RBM12B: variants seen among roughly 807,000 people sequenced by gnomAD.
The protein encoded by RBM12B is RNA-binding protein 12B.
A neutral mutation model predicts 34.3 loss-of-function variants in RBM12B; 10 were observed. The observed-to-expected ratio is 0.29, with a 90% CI of 0.18 to 0.49. The LOEUF (loss-of-function observed/expected upper bound fraction) is 0.49. Ranked by LOEUF, RBM12B falls within the 20% of genes least tolerant of loss-of-function variation. RBM12B has a pLI of 0.99. For synonymous variants in RBM12B, 477 were observed against 437.1 expected (o/e 1.09, Z -1.14); for missense variants, 1,139 against 1,262.7 (o/e 0.90, Z 1.48).
rs776443945 is a variant in RBM12B at position 93,733,971 on chromosome 8, G to A, written c.2440C>T (p.Pro814Ser). 10 of 1,613,064 alleles carry A rather than the reference G, an allele frequency of 6.2e-6. No homozygotes were observed. The African/African-American group carries it at 1.1e-4, about 17-fold the overall frequency. The part of the protein sequence containing the change: ...RHPPDEDFRG[P>S]PDEDFRHPPD... ...GGGTGCCTAAAGTCTTCATCAGGAG[G>A]GCCCCTGAAGTCTTCATCTGGTGGG... is the stretch of plus-strand genomic sequence containing the variant. Residue 814 changes from proline to serine, a missense_variant, in exon 4 of 4, where the codon CCT (proline) becomes TCT (serine). Pro to Ser is a moderately conservative substitution (Grantham distance 74). This residue lies in a region of RBM12B where 863 missense variants were observed against 869.5 expected (regional missense o/e 0.99). Coordinates refer to ENST00000520560, the MANE Select transcript of RBM12B (RefSeq NM_001377960.1).
intron 2 of RBM12B, among the ~76,000 whole-genome samples, chr8:93,739,904 G>C (rs1812140522): frequency 6.6e-6 from 1 of 152,110 alleles, no homozygotes; most frequent in African/African-American, 2.4e-5. Context: ...TTCTAATCAA[G>C]ACTTAAGGGG....
In RBM12B at chr8:93,728,186, G is replaced by C. The variant is rs761479386; in HGVS notation, c.*5219C>G. On this transcript the variant is annotated 3_prime_UTR_variant, in exon 4 of 4. Transcript: ENST00000520560. ...TAAGTTAGTATTTTTATTTTAAAAA[G>C]TGTGTTAACTTTTAACAGGTATCCA... 6 of 1,461,134 alleles carry C rather than the reference G, an allele frequency of 4.1e-6. No homozygotes were observed. Among genetic ancestry groups the C allele is most frequent in the Non-Finnish European group, 5.5e-6 (6 of 1,096,684 alleles). The allele number at this position is 1,461,134 out of a possible 1,614,324, so 90.5% of individuals were successfully genotyped here.
At chr8:93,737,428 A>C (rs534043303) in intron 2 of RBM12B, 73 bp from the exon 3 acceptor site, 1 of 152,334 alleles carries the variant, frequency 6.6e-6, no homozygotes, top group East Asian at 1.9e-4. Flanking sequence ...AGAGTAGGAT[A>C]TCCATTTCAG....
At position 93,733,424 on chromosome 8, in the gene RBM12B, A is replaced by G; in HGVS notation, c.2987T>C (p.Val996Ala). ...LNDRPVGPRK[V>A]KLTLL ...CTCTCTCTACAGCAAAGTTAACTTA[A>G]CTTTTCGGGGCCCAACTGGCCTATC... Residue 996 changes from valine to alanine, a missense_variant, in exon 4 of 4, where the codon GTT becomes GCT. Physicochemically the swap from Val to Ala is moderately conservative, Grantham distance 64. Transcript: ENST00000520560. 1 of 1,540,872 alleles carries G rather than the reference A, an allele frequency of 6.5e-7. No individual in the cohort carries two copies. The highest frequency in any genetic ancestry group is 8.7e-7 in the Non-Finnish European group (1 of 1,145,628).
At position 93,733,276 on chromosome 8, in the gene RBM12B, G is replaced by A. The variant is rs1811853914; in HGVS notation, c.*129C>T. The A allele has an allele frequency of 1.6e-6, 1 of 615,342 alleles. No individual in the cohort carries two copies. Among genetic ancestry groups the A allele is most frequent in the Non-Finnish European group, 2.5e-6 (1 of 407,862 alleles). 38.1% of individuals were successfully genotyped at this position (615,342 alleles called of 1,614,324 possible). A position where few individuals can be genotyped will look rare whatever the true frequency, so the allele number is the denominator to read the frequency against. ...GATTCACATTCTACTATTTACATTT[G>A]TTCTATTCACAGGTCAAAAATAAAA... On this transcript the variant is annotated 3_prime_UTR_variant, in exon 4 of 4. Coordinates refer to ENST00000520560, the MANE Select transcript of RBM12B (RefSeq NM_001377960.1).
chr8:93,739,770 G>C (rs1473932433), intron 2 of RBM12B, among the ~76,000 whole-genome samples: 1 of 152,192 alleles, frequency 6.6e-6, no homozygotes, highest in Non-Finnish European at 1.5e-5. Context: ...GAAAAGAAGA[G>C]TGGGTCCCTA....
Position 93,734,902 on chromosome 8 carries a change from C to G in RBM12B, c.1509G>C (p.Glu503Asp). Residue 503 changes from glutamate to aspartate, a missense_variant, in exon 4 of 4, where the codon GAG becomes GAC. Physicochemically the swap from Glu to Asp is conservative, Grantham distance 45 (BLOSUM62 2). Around this residue, in one of 3 missense-constraint regions of RBM12B, gnomAD observed 863 missense variants for 869.5 expected, o/e 0.99. Coordinates refer to ENST00000520560, the MANE Select transcript of RBM12B (RefSeq NM_001377960.1). ...CAAATAAATGGGAATGGTCACCTCG[C>G]TCACGTGACTGTGAGCGAGCTTGCA... is the stretch of plus-strand genomic sequence containing the variant. ...EKMQARSQSR[E>D]RGDHSHLFDS... 1 of 1,614,082 alleles carries G rather than the reference C, an allele frequency of 6.2e-7. No individual in the cohort carries two copies. The highest frequency in any genetic ancestry group is 8.5e-7 in the Non-Finnish European group (1 of 1,179,976).
Position 93,740,861 on chromosome 8 carries a change from A to C in RBM12B, c.-146+20T>G. ...GGCGCCCCGAGGGGAACTGCTTCGCACTTGGCAATAAACACACACCACTGC... is the reference window on the plus strand; with the variant it reads ...GGCGCCCCGAGGGGAACTGCTTCGCCCTTGGCAATAAACACACACCACTGC... On this transcript the variant is annotated intron_variant, in intron 1 of 3. Coordinates refer to ENST00000520560, the MANE Select transcript of RBM12B (RefSeq NM_001377960.1). 1 of 326,180 alleles carries C rather than the reference A, an allele frequency of 3.1e-6. No homozygotes were observed. The highest frequency in any genetic ancestry group is 4.5e-5 in the Admixed American group (1 of 22,060). 20.2% of individuals were successfully genotyped at this position (326,180 alleles called of 1,614,324 possible).
Position 93,734,142 on chromosome 8 carries a change from G to A in RBM12B, c.2269C>T (p.Arg757Trp), listed in dbSNP as rs774939808. Residue 757 changes from arginine (R) to tryptophan (W), a missense_variant, in exon 4 of 4, where the codon CGG (arginine) becomes TGG (tryptophan). This residue lies in a region of RBM12B where 863 missense variants were observed against 869.5 expected (regional missense o/e 0.99). Coordinates refer to ENST00000520560, the MANE Select transcript of RBM12B (RefSeq NM_001377960.1). ...FRRPPPEHFRRPPPEHFRRPP... is the reference protein window; with the variant it reads ...FRRPPPEHFRWPPPEHFRRPP... ...CGCCTGAAGTGCTCTGGGGGTGGCC[G>A]CCGGAAGTGCTCTGGGGGAGGCCGC... 14 of 1,560,356 alleles carry A rather than the reference G, an allele frequency of 9.0e-6. No homozygotes were observed. Among genetic ancestry groups the A allele is most frequent in the South Asian group, 2.4e-5 (2 of 82,740 alleles).
In RBM12B at chr8:93,732,411, T is replaced by G. The variant is rs958652098; in HGVS notation, c.*994A>C. On this transcript the variant is annotated 3_prime_UTR_variant, in exon 4 of 4. Coordinates refer to ENST00000520560, the MANE Select transcript of RBM12B (RefSeq NM_001377960.1). ...ACAAGTCTTAACAGTTATAGAGTCT[T>G]TGCATGGACACAGTTTCGAAGCTAA... 2.0e-5 allele frequency: 3 copies of G among 152,226 alleles called. No homozygotes were observed. The highest frequency in any genetic ancestry group is 7.2e-5 in the African/African-American group (3 of 41,466). 9.4% of individuals were successfully genotyped at this position (152,226 alleles called of 1,614,324 possible).
rs911424699 is a variant in RBM12B, at chr8:93,731,250, T to C, written c.*2155A>G. On this transcript the variant is annotated 3_prime_UTR_variant, in exon 4 of 4. Coordinates refer to ENST00000520560, the MANE Select transcript of RBM12B (RefSeq NM_001377960.1). Reference sequence around the variant, plus strand: ...CACCTCAGCCCAGTTTGAAATGCAATTCCACAGTAAGTAATCCCTCACGTT... The same window carrying C: ...CACCTCAGCCCAGTTTGAAATGCAACTCCACAGTAAGTAATCCCTCACGTT... The C allele has an allele frequency of 2.0e-5, 3 of 152,244 alleles. No individual in the cohort carries two copies. Among genetic ancestry groups the C allele is most frequent in the Admixed American group, 6.5e-5 (1 of 15,278 alleles). The allele number at this position is 152,244 out of a possible 1,614,324, so 9.4% of individuals were successfully genotyped here. A position where few individuals can be genotyped will look rare whatever the true frequency, so the allele number is the denominator to read the frequency against.
intron 2 of RBM12B, chr8:93,739,992 G>A (rs1489896868): frequency 6.8e-6 from 2 of 295,756 alleles, no homozygotes; most frequent in Non-Finnish European, 6.6e-6. Context: ...TTTAACTAGC[G>A]AAGAAAAAGT....
At position 93,734,526 on chromosome 8, in the gene RBM12B, G is replaced by A. The variant is rs559228137; in HGVS notation, c.1885C>T (p.Arg629Trp). The A allele has an allele frequency of 5.5e-5, 88 of 1,613,256 alleles. 1 individual carries two copies. The highest frequency in any genetic ancestry group is 1.5e-4 in the African/African-American group (11 of 74,692). Residue 629 changes from arginine (R) to tryptophan (W), a missense_variant, in exon 4 of 4, where the codon CGG becomes TGG. Around this residue, in one of 3 missense-constraint regions of RBM12B, gnomAD observed 863 missense variants for 869.5 expected, o/e 0.99. Coordinates refer to ENST00000520560, the MANE Select transcript of RBM12B (RefSeq NM_001377960.1). Reference protein sequence around the residue: ...WRRPLEEDWRRPLEEDFRRSP... With the variant: ...WRRPLEEDWRWPLEEDFRRSP... ...CGCCTGAAATCCTCCTCCAGTGGCCGCCTCCAGTCCTCCTCAAGGGGCCTC... is the reference window on the plus strand; with the variant it reads ...CGCCTGAAATCCTCCTCCAGTGGCCACCTCCAGTCCTCCTCAAGGGGCCTC...
At chr8:93,736,932 C>CA (rs1437697326) in intron 3 of RBM12B, among the ~76,000 whole-genome samples, 6 of 152,220 alleles carry the variant, frequency 3.9e-5, no homozygotes, top group Admixed American at 1.3e-4. Context: ...CCAGGGCCAG[C>CA]ATGATAGCTC....
At chr8:93,739,737 C>A (rs139778878) in intron 2 of RBM12B, among the ~76,000 whole-genome samples, 235 of 152,236 alleles carry the variant, frequency 1.5e-3, no homozygotes, top group African/African-American at 5.3e-3. Flanking sequence ...CATTTGAAGA[C>A]AATAATCTGT....
At chr8:93,738,584 T>C (rs1448859857) in intron 2 of RBM12B, among the ~76,000 whole-genome samples, 1 of 152,120 alleles carries the variant, frequency 6.6e-6, no homozygotes, top group African/African-American at 2.4e-5. Flanking sequence ...CACCTCAGCC[T>C]CCCCAGTAGC....
rs1336996124 is a variant in RBM12B, at chr8:93,733,926, T to A, written c.2485A>T (p.Ser829Cys). The A allele has an allele frequency of 1.2e-6, 2 of 1,612,192 alleles. No individual in the cohort carries two copies. Among genetic ancestry groups the A allele is most frequent in the Non-Finnish European group, 1.7e-6 (2 of 1,179,528 alleles). ...FRHPPDEDFR[S>C]PQEEDFRCPS... is the part of the protein sequence containing the mutation. ...CATCTAAAATCTTCCTCCTGGGGGC[T>A]CCTGAAGTCCTCATCAGGAGGGTGC... The change falls in exon 4 of 4, where the codon AGC (serine) becomes TGC (cysteine). Residue 829 changes from serine to cysteine, a missense_variant. Transcript: ENST00000520560.
At position 93,732,547 on chromosome 8, in the gene RBM12B, T is replaced by G. The variant is rs1159427640; in HGVS notation, c.*858A>C. ...TCTTCCAGCATAAGCCTGAGTCCCC[T>G]TGCACCTATAATTAGATTCTTATTT... On this transcript the variant is annotated 3_prime_UTR_variant, in exon 4 of 4. Transcript: ENST00000520560. The G allele has an allele frequency of 2.0e-5, 3 of 152,216 alleles. No homozygotes were observed. Among genetic ancestry groups the G allele is most frequent in the Non-Finnish European group, 4.4e-5 (3 of 68,040 alleles). 9.4% of individuals were successfully genotyped at this position (152,216 alleles called of 1,614,324 possible).
intron 3 of RBM12B, 52 bp downstream of exon 3, chr8:93,737,255 A>G (rs922296044): frequency 6.6e-6 from 1 of 152,204 alleles, no homozygotes; most frequent in African/African-American, 2.4e-5. Context: ...GTACTATTCT[A>G]CTTCACATGT....
Sources: allele counts gnomAD v4.1 joint callset (sites outside exome capture counted in the v4.1 genomes callset), GRCh38; gene constraint gnomAD v4.1.1; regional missense constraint gnomAD v4.1.1; transcripts MANE v1.5; gene names NCBI Gene and HGNC (gene_info 2026-07-23, HGNC 2026-07-21).